The following PLXDC1 variants were observed in gnomAD, a reference collection of about 807,000 sequenced individuals.
PLXDC1 encodes the protein plexin domain-containing protein 1.
In PLXDC1, 39 loss-of-function variants were observed where a neutral mutation model predicts 61.3. The ratio of observed to expected loss-of-function variants is 0.64; its 90% CI spans 0.49 to 0.83. The LOEUF is 0.83. Among genes scored for constraint, PLXDC1 ranks in the 40% least tolerant of loss-of-function variants. The pLI, the probability that PLXDC1 is intolerant of heterozygous loss-of-function variation, is 0.00. For synonymous variants in PLXDC1, 212 were observed against 254.5 expected, an observed-to-expected ratio of 0.83 and a Z score of 1.59; for missense variants, 596 against 666.5, an observed-to-expected ratio of 0.89 and a Z score of 1.17.
intron 5 of PLXDC1, chr17:39,107,824 G>A (rs1335264610): frequency 5.3e-6 from 3 of 562,708 alleles, no homozygotes; most frequent in Non-Finnish European, 9.6e-6. Context: ...TGTTCTCCTG[G>A]ATTCAGACGG....
chr17:39,090,592 T>G (rs1400721071), intron 7 of PLXDC1, among the ~76,000 whole-genome samples: 3 of 152,136 alleles, frequency 2.0e-5, no homozygotes, highest in Non-Finnish European at 4.4e-5. Flanking sequence ...AGGGACTCAG[T>G]GAGCCGCATC....
chr17:39,091,578 C>T (rs985961625), intron 7 of PLXDC1, among the ~76,000 whole-genome samples: 4 of 152,120 alleles, frequency 2.6e-5, no homozygotes, highest in African/African-American at 7.2e-5. Context: ...CAGGTGGTCC[C>T]CAAGGCGAGC....
At chr17:39,083,650 G>A (rs1909642985) in intron 8 of PLXDC1, 110 bp from the exon 9 acceptor site, 2 of 842,086 alleles carry the variant, frequency 2.4e-6, no homozygotes, top group African/African-American at 1.7e-5. Flanking sequence ...CTGACTTTGA[G>A]GAGACCTTTA....
At chr17:39,117,343 G>T (rs1385720007) in intron 2 of PLXDC1, among the ~76,000 whole-genome samples, 1 of 152,118 alleles carries the variant, frequency 6.6e-6, no homozygotes, top group Non-Finnish European at 1.5e-5. Context: ...ACCAGCTGGG[G>T]GGTAGGATTA....
At chr17:39,141,101 C>T (rs1340185740) in intron 1 of PLXDC1, among the ~76,000 whole-genome samples, 1 of 152,216 alleles carries the variant, frequency 6.6e-6, no homozygotes, top group East Asian at 1.9e-4. Flanking sequence ...GCGATCATAG[C>T]TCACTGCAGC....
rs748638753 is a variant in PLXDC1 at position 39,108,216 on chromosome 17, G to A, written c.499C>T (p.Arg167Trp). The change falls in exon 5 of 14, where the codon CGG becomes TGG. Residue 167 changes from arginine (R) to tryptophan (W), a missense_variant. Coordinates refer to ENST00000315392, the MANE Select transcript of PLXDC1 (RefSeq NM_020405.5). ...GFIFMGDVIH[R>W]MLTATQYVAP... is the part of the protein sequence containing the mutation. ...ACATACTGAGTAGCTGTGAGCATCC[G>A]ATGGATCACGTCCCCCATGAAGATG... 10 of 1,613,980 alleles carry A rather than the reference G, an allele frequency of 6.2e-6. No individual in the cohort carries two copies. Among genetic ancestry groups the A allele is most frequent in the South Asian group, 3.3e-5 (3 of 91,088 alleles).
chr17:39,091,193 T>G (rs1909935669), intron 7 of PLXDC1, among the ~76,000 whole-genome samples: 1 of 152,086 alleles, frequency 6.6e-6, no homozygotes, highest in African/African-American at 2.4e-5. Flanking sequence ...ATGGGAGCAG[T>G]GGGGGACGGC....
intron 7 of PLXDC1, among the ~76,000 whole-genome samples, chr17:39,092,839 G>C (rs1910006285): frequency 6.6e-6 from 1 of 152,168 alleles, no homozygotes; most frequent in African/African-American, 2.4e-5. Context: ...TAGGGGCAGA[G>C]GAGTCCTGAA....
chr17:39,081,770 C>T (rs1404438644), intron 9 of PLXDC1, among the ~76,000 whole-genome samples: 1 of 152,100 alleles, frequency 6.6e-6, no homozygotes, highest in African/African-American at 2.4e-5. Flanking sequence ...AAGTGAGACC[C>T]CATCTCTACA....
chr17:39,152,668 C>A, upstream of PLXDC1: 1 of 1,234,892 alleles, frequency 8.1e-7, no homozygotes, highest in Non-Finnish European at 1.0e-6. Context: ...AGGGTGCGAA[C>A]GCTGAGCGCC....
At chr17:39,135,157 T>C (rs1355321662) in intron 2 of PLXDC1, among the ~76,000 whole-genome samples, 3 of 152,202 alleles carry the variant, frequency 2.0e-5, no homozygotes, top group South Asian at 2.1e-4. Flanking sequence ...ACATCTGCAC[T>C]CTCCAGATAA....
intron 6 of PLXDC1, among the ~76,000 whole-genome samples, chr17:39,106,734 C>T (rs1018993622): frequency 6.6e-6 from 1 of 150,400 alleles, no homozygotes; most frequent in Non-Finnish European, 1.5e-5. Context: ...ACTGCAACCT[C>T]CAACTCCTGG....
chr17:39,092,064 A>G (rs776409068), intron 7 of PLXDC1, among the ~76,000 whole-genome samples: 5 of 151,800 alleles, frequency 3.3e-5, no homozygotes, highest in Non-Finnish European at 7.4e-5. Flanking sequence ...AACTTTGTAT[A>G]GCACTTTACT....
At chr17:39,068,417 C>G (rs1908980673) in intron 13 of PLXDC1, among the ~76,000 whole-genome samples, 1 of 152,238 alleles carries the variant, frequency 6.6e-6, no homozygotes, top group Non-Finnish European at 1.5e-5. Context: ...TGGCTTATGC[C>G]TGTAATCCCA....
intron 11 of PLXDC1, among the ~76,000 whole-genome samples, chr17:39,077,353 C>G (rs751666206): frequency 6.6e-5 from 10 of 152,172 alleles, no homozygotes; most frequent in Non-Finnish European, 1.3e-4. Flanking sequence ...TCAACCAAGA[C>G]CCCCAGGCCT....
chr17:39,151,760 C>A, upstream of PLXDC1: 1 of 200,184 alleles, frequency 5.0e-6, no homozygotes, highest in Non-Finnish European at 9.2e-6. This position sits in a 1 kb window ranked among gnomAD's most constrained non-coding sequence, Gnocchi z 5.2. Context: ...CCTAACGGAG[C>A]GCTCCCCTAG....
intron 7 of PLXDC1, among the ~76,000 whole-genome samples, chr17:39,100,286 C>T (rs886795960): frequency 2.0e-5 from 3 of 152,126 alleles, no homozygotes; most frequent in Non-Finnish European, 4.4e-5. Context: ...CCAGTGAAAT[C>T]GTGAGTGAGT....
chr17:39,078,809 T>A (rs1909440940), intron 10 of PLXDC1, among the ~76,000 whole-genome samples: 1 of 152,222 alleles, frequency 6.6e-6, no homozygotes, highest in South Asian at 2.1e-4. Flanking sequence ...CAGCAGTGGC[T>A]GAGGCCATGC....
rs558938149 is a variant in PLXDC1 at position 39,116,421 on chromosome 17, A to G, written c.256-7030T>C. Among the ~76,000 whole-genome samples, 5 of 152,310 alleles carry G rather than the reference A, an allele frequency of 3.3e-5. No individual in the cohort carries two copies. The East Asian group carries it at 9.7e-4, about 29-fold the overall frequency. On this transcript the variant is annotated intron_variant, in intron 2 of 13. Coordinates refer to ENST00000315392, the MANE Select transcript of PLXDC1 (RefSeq NM_020405.5). ...CTGCTTGCCAAATGAGCTGAATCACAAGGATTCTGCAGCCAATGGTGTCAA... is the reference window on the plus strand; with the variant it reads ...CTGCTTGCCAAATGAGCTGAATCACGAGGATTCTGCAGCCAATGGTGTCAA...
Sources: gnomAD v4.1 joint callset for allele counts (sites outside exome capture counted in the v4.1 genomes callset) on GRCh38, gnomAD v4.1.1 for gene constraint, Gnocchi (gnomAD v3.1) non-coding constraint, MANE v1.5 for transcripts, NCBI Gene and HGNC (gene_info 2026-07-23, HGNC 2026-07-21) for gene names.